The following XIRP2 variants were observed in gnomAD, a reference collection of about 807,000 sequenced individuals.
The protein encoded by XIRP2 is xin actin-binding repeat-containing protein 2.
A neutral mutation model predicts 277.0 loss-of-function variants in XIRP2; 236 were observed. That is an observed-to-expected ratio of 0.85 (90% confidence interval 0.77 to 0.95). The LOEUF (loss-of-function observed/expected upper bound fraction) is 0.95, where lower values mean the gene tolerates loss of function less well. Ranked by LOEUF, XIRP2 falls within the 40% of genes least tolerant of loss-of-function variation. The pLI, the probability that XIRP2 is intolerant of heterozygous loss-of-function variation, is 0.00. For missense variants in XIRP2, 4,640 were observed against 4,157.5 expected (o/e 1.12, Z -3.19); for synonymous variants, 1,490 against 1,416.5 (o/e 1.05, Z -1.17).
At chr2:167,034,648 T>C (rs1249256532) in intron 2 of XIRP2, among the ~76,000 whole-genome samples, 1 of 152,114 alleles carries the variant, frequency 6.6e-6, no homozygotes, top group Non-Finnish European at 1.5e-5. Context: ...GCTATACTTA[T>C]ACAAAATAGA....
chr2:166,945,443 T>A, intron 2 of XIRP2, among the ~76,000 whole-genome samples: 1 of 151,964 alleles, frequency 6.6e-6, no homozygotes, highest in East Asian at 2.0e-4. Flanking sequence ...ATGAGAGCTG[T>A]AAAAAGTAAA....
chr2:167,009,854 A>C (rs1231119147), intron 2 of XIRP2, among the ~76,000 whole-genome samples: 1 of 152,102 alleles, frequency 6.6e-6, no homozygotes, highest in East Asian at 1.9e-4. Flanking sequence ...TTGGCTGCAT[A>C]AATGTCTTCT....
intron 2 of XIRP2, among the ~76,000 whole-genome samples, chr2:167,025,732 C>A (rs1348940174): frequency 1.3e-5 from 2 of 152,072 alleles, no homozygotes; most frequent in Admixed American, 1.3e-4. Flanking sequence ...CATTCAGGAG[C>A]AGGTTGTTCA....
intron 1 of XIRP2, among the ~76,000 whole-genome samples, chr2:166,895,013 C>A (rs1350309388): frequency 6.6e-6 from 1 of 151,984 alleles, no homozygotes; most frequent in Non-Finnish European, 1.5e-5. Context: ...AGAGGGACAG[C>A]CTTTGCAAAG....
intron 2 of XIRP2, among the ~76,000 whole-genome samples, chr2:167,093,691 C>T (rs1418140719): frequency 6.6e-6 from 1 of 152,076 alleles, no homozygotes; most frequent in Non-Finnish European, 1.5e-5. Flanking sequence ...GTATATGTGC[C>T]ACATTTTCTT....
Position 167,097,959 on chromosome 2 carries a change from C to G in XIRP2, c.409-37950C>G, listed in dbSNP as rs533633201. Reference sequence around the variant, plus strand: ...CTTCCCTTTGTGGGTAACCTAACCTCTTTCTCTGGCTGCCCTTAACATTTT... The same window carrying G: ...CTTCCCTTTGTGGGTAACCTAACCTGTTTCTCTGGCTGCCCTTAACATTTT... On this transcript the variant is annotated intron_variant, in intron 2 of 10. Transcript: ENST00000409195. 2.0e-5 allele frequency among the ~76,000 whole-genome samples: 3 copies of G among 152,294 alleles called. No individual in the cohort carries two copies. The South Asian group carries it at 6.2e-4, about 32-fold the overall frequency.
intron 2 of XIRP2, among the ~76,000 whole-genome samples, chr2:167,100,946 T>G (rs1690470425): frequency 6.6e-6 from 1 of 152,214 alleles, no homozygotes; most frequent in Non-Finnish European, 1.5e-5. Flanking sequence ...TCCGACTTTC[T>G]TTTGCTTTTA....
At chr2:166,942,439 A>G (rs1315268412) in intron 2 of XIRP2, among the ~76,000 whole-genome samples, 5 of 152,206 alleles carry the variant, frequency 3.3e-5, no homozygotes, top group Admixed American at 3.3e-4. Context: ...TATTTGTTCC[A>G]TGTCATATAT....
At chr2:166,942,945 A>G (rs1261191316) in intron 2 of XIRP2, among the ~76,000 whole-genome samples, 1 of 152,186 alleles carries the variant, frequency 6.6e-6, no homozygotes, top group Non-Finnish European at 1.5e-5. Context: ...TAATGAAAAC[A>G]TCAAAATATA....
intron 2 of XIRP2, among the ~76,000 whole-genome samples, chr2:167,033,619 A>G (rs191444294): frequency 5.0e-4 from 76 of 152,168 alleles, no homozygotes; most frequent in Non-Finnish European, 9.0e-4. Context: ...CTTAAGTACA[A>G]CAAGAGAAAA....
chr2:166,923,276 C>T (rs557125107), intron 2 of XIRP2, among the ~76,000 whole-genome samples: 24 of 152,166 alleles, frequency 1.6e-4, no homozygotes, highest in Admixed American at 1.4e-3. Context: ...TGTTTTGCCT[C>T]GAGTTCTCAC....
chr2:166,938,388 C>T (rs1019944948), intron 2 of XIRP2, among the ~76,000 whole-genome samples: 27 of 152,168 alleles, frequency 1.8e-4, no homozygotes, highest in South Asian at 2.1e-4. Flanking sequence ...GTTCAGTTTC[C>T]ATGTAGCTGA....
In XIRP2 at chr2:167,244,357, T is replaced by A. The variant is rs780239245; in HGVS notation, c.2965T>A (p.Tyr989Asn). ...NKSLFETTPLYAIQDPLGKYH... is the reference protein window; with the variant it reads ...NKSLFETTPLNAIQDPLGKYH... ...ATCTCTCTTCGAGACAACACCACTG[T>A]ATGCCATTCAAGATCCCCTTGGAAA... The change falls in exon 9 of 11, where the codon TAT becomes AAT. Residue 989 changes from tyrosine (Y) to asparagine (N), a missense_variant. By Grantham distance (143) the Tyr-to-Asn change is moderately radical (BLOSUM62 -2). Transcript: ENST00000409195. 1.6e-5 allele frequency: 26 copies of A among 1,613,576 alleles called. No homozygotes were observed. Among genetic ancestry groups the A allele is most frequent in the Non-Finnish European group, 2.1e-5 (25 of 1,179,810 alleles).
At chr2:166,892,488 G>C (rs1470748335) in intron 1 of XIRP2, among the ~76,000 whole-genome samples, 1 of 152,112 alleles carries the variant, frequency 6.6e-6, no homozygotes, top group East Asian at 1.9e-4. Flanking sequence ...ATGCAATCCA[G>C]ACCCTTTGCA....
intron 5 of XIRP2, among the ~76,000 whole-genome samples, chr2:167,218,637 A>C (rs1317364189): frequency 6.6e-6 from 1 of 152,164 alleles, no homozygotes; most frequent in African/African-American, 2.4e-5. Context: ...CTCTGCTTCT[A>C]GGTTATAATT....
chr2:167,128,950 T>G (rs1691295130), intron 2 of XIRP2, among the ~76,000 whole-genome samples: 1 of 152,154 alleles, frequency 6.6e-6, no homozygotes, highest in South Asian at 2.1e-4. Flanking sequence ...GAGTGAAAGA[T>G]GAGTATAGAA....
At chr2:167,044,121 A>T (rs945923981) in intron 2 of XIRP2, among the ~76,000 whole-genome samples, 3 of 152,126 alleles carry the variant, frequency 2.0e-5, no homozygotes, top group Non-Finnish European at 2.9e-5. Flanking sequence ...CTGATTCAAC[A>T]TACAAAATCT....
intron 3 of XIRP2, among the ~76,000 whole-genome samples, chr2:167,140,411 A>C (rs1691681181): frequency 6.6e-6 from 1 of 152,220 alleles, no homozygotes; most frequent in African/African-American, 2.4e-5. Flanking sequence ...CCATTTCTTT[A>C]TTAAAACAGG....
chr2:167,242,493 C>CCCTGTACAGG, intron 8 of XIRP2, 76 bp from the exon 9 acceptor site: 1 of 1,476,126 alleles, frequency 6.8e-7, no homozygotes, highest in East Asian at 2.3e-5. Flanking sequence ...AGGTTACAGA[C>CCCTGTACAGG]CAATGAAGGG....
Sources: allele counts gnomAD v4.1 joint callset (sites outside exome capture counted in the v4.1 genomes callset), GRCh38; gene constraint gnomAD v4.1.1; transcripts MANE v1.5; gene names NCBI Gene and HGNC (gene_info 2026-07-23, HGNC 2026-07-21).